Variants in RNF10 observed in about 807,000 individuals in gnomAD.
RNF10 encodes the protein ring finger protein 10, also known as E3 ubiquitin-protein ligase RNF10.
RNF10 carries 38 observed loss-of-function variants against 91.4 expected under a neutral mutation model. That is an observed-to-expected ratio of 0.42 (90% confidence interval 0.32 to 0.54). The LOEUF is 0.54. RNF10 is among the 20% of genes least tolerant of loss of function. The pLI is 0.16. For missense variants in RNF10, 945 were observed against 1,012.0 expected, an observed-to-expected ratio of 0.93 and a Z score of 0.90; for synonymous variants, 364 against 366.3, an observed-to-expected ratio of 0.99 and a Z score of 0.07.
chr12:120,565,825 C>A (rs1156966836), intron 12 of RNF10, among the ~76,000 whole-genome samples: 1 of 152,206 alleles, frequency 6.6e-6, no homozygotes, highest in East Asian at 1.9e-4. Context: ...GGCCATCGTT[C>A]CCCATGCTCT....
At chr12:120,574,666 C>T in intron 14 of RNF10, 2 of 382,142 alleles carry the variant, frequency 5.2e-6, no homozygotes, top group Non-Finnish European at 1.0e-5. Context: ...TGTCTCATGC[C>T]TGTAATCCCA....
At position 120,560,900 on chromosome 12, in the gene RNF10, T is replaced by C. The variant is rs756153614; in HGVS notation, c.1128+14T>C. On this transcript the variant is annotated intron_variant, in intron 7 of 16. Coordinates refer to ENST00000325954, the MANE Select transcript of RNF10 (RefSeq NM_014868.5). Reference sequence around the variant, plus strand: ...CAGGAGCTCAAGGTGAGAGGATGCATTGGAGATGCTAAACCTTTTCACTTT... The same window carrying C: ...CAGGAGCTCAAGGTGAGAGGATGCACTGGAGATGCTAAACCTTTTCACTTT... 4 of 1,612,798 alleles carry C rather than the reference T, an allele frequency of 2.5e-6. No individual in the cohort carries two copies. In the Admixed American group the frequency reaches 6.7e-5, roughly 27 times the overall value.
intron 12 of RNF10, among the ~76,000 whole-genome samples, chr12:120,566,303 G>T (rs1388355986): frequency 6.6e-6 from 1 of 152,146 alleles, no homozygotes; most frequent in Non-Finnish European, 1.5e-5. Context: ...TAATTAACCT[G>T]CATGTTTGTT....
rs1399431904 is a variant in RNF10 at position 120,554,749 on chromosome 12, T to C, written c.586T>C (p.Tyr196His). Reference protein sequence around the residue: ...CQFVVSEDQDYTAHFADPDTL... With the variant: ...CQFVVSEDQDHTAHFADPDTL... ...ATTTGTGGTGTCTGAAGACCAAGAC[T>C]ACACAGCTCATTTTGCTGATCCTGA... is the stretch of plus-strand genomic sequence containing the variant. The change falls in exon 4 of 17, where the codon TAC becomes CAC. Residue 196 changes from tyrosine to histidine, a missense_variant. Physicochemically the swap from Tyr to His is moderately conservative, Grantham distance 83 (BLOSUM62 2). Coordinates refer to ENST00000325954, the MANE Select transcript of RNF10 (RefSeq NM_014868.5). The C allele has an allele frequency of 1.9e-6, 3 of 1,614,192 alleles. No homozygotes were observed. Among genetic ancestry groups the C allele is most frequent in the Admixed American group, 3.3e-5 (2 of 60,024 alleles).
intron 13 of RNF10, among the ~76,000 whole-genome samples, chr12:120,569,984 G>A (rs1018739799): frequency 6.6e-6 from 1 of 151,896 alleles, no homozygotes. Context: ...CTTCCCCCTC[G>A]CGGGTTCAAG....
rs1028800937 is a variant in RNF10 at position 120,566,930 on chromosome 12, A to G, written c.1991A>G (p.His664Arg). The G allele has an allele frequency of 4.3e-6, 7 of 1,612,900 alleles. No individual in the cohort carries two copies. The highest frequency in any genetic ancestry group is 2.2e-5 in the East Asian group (1 of 44,882). ...TTGGGTCCCACCAGCACCGAGGGCC[A>G]TGGGGCCCTCTCCATTTCTCCTCTC... is the stretch of plus-strand genomic sequence containing the variant. ...SALGPTSTEG[H>R]GALSISPLSR... Residue 664 changes from histidine to arginine, a missense_variant, in exon 13 of 17, where the codon CAT becomes CGT. By Grantham distance (29) the His-to-Arg change is conservative. Transcript: ENST00000325954.
At position 120,576,754 on chromosome 12, in the gene RNF10, AG is replaced by A; in HGVS notation, c.*89del. The stretch of plus-strand genomic sequence containing the variant: ...TTTTGTTTGGCTGCTGTAATTTTTA[AG>A]TATTTGAGTTTGAACAGATTAGCTC... On this transcript the variant is annotated 3_prime_UTR_variant, in exon 17 of 17. Transcript: ENST00000325954. The A allele has an allele frequency of 5.1e-6, 8 of 1,563,936 alleles. No homozygotes were observed. Among genetic ancestry groups the A allele is most frequent in the Non-Finnish European group, 6.9e-6 (8 of 1,155,450 alleles).
intron 1 of RNF10, among the ~76,000 whole-genome samples, chr12:120,539,104 T>C (rs1871212968): frequency 6.6e-6 from 1 of 152,296 alleles, no homozygotes; most frequent in South Asian, 2.1e-4. Context: ...TAAAACTGTG[T>C]GTCAGCCACT....
At chr12:120,551,700 C>T (rs1468066025) in intron 2 of RNF10, among the ~76,000 whole-genome samples, 1 of 152,086 alleles carries the variant, frequency 6.6e-6, no homozygotes, top group African/African-American at 2.4e-5. Context: ...GCAGGTGTAT[C>T]ATAGTGCACT....
intron 4 of RNF10, among the ~76,000 whole-genome samples, chr12:120,556,081 G>T (rs892924647): frequency 6.6e-6 from 1 of 151,264 alleles, no homozygotes; most frequent in South Asian, 2.1e-4. Context: ...GAGCCACCAC[G>T]CCCAGCTTCA....
At chr12:120,556,276 T>C (rs1265412348) in intron 4 of RNF10, among the ~76,000 whole-genome samples, 1 of 151,332 alleles carries the variant, frequency 6.6e-6, no homozygotes, top group Non-Finnish European at 1.5e-5. Context: ...GGCTCACGCC[T>C]ATAATCCCAG....
At chr12:120,558,454 T>TA (rs147730561) in intron 6 of RNF10, among the ~76,000 whole-genome samples, 12 of 150,618 alleles carry the variant, frequency 8.0e-5, no homozygotes, top group South Asian at 2.1e-4. Flanking sequence ...GTGTATTAAT[T>TA]AAAAAAAAAT....
intron 1 of RNF10, among the ~76,000 whole-genome samples, chr12:120,542,460 C>T (rs1871712425): frequency 6.6e-6 from 1 of 152,174 alleles, no homozygotes; most frequent in African/African-American, 2.4e-5. Context: ...AGCGCTGAAA[C>T]TTTGCTTTCT....
At position 120,576,942 on chromosome 12, in the gene RNF10, G is replaced by A. The variant is rs1382714081; in HGVS notation, c.*276G>A. ...TGCCAGTTTAGTCTTTTTGACCCAT[G>A]TGTAATTAATTTTTCTCAACCCAAA... On this transcript the variant is annotated 3_prime_UTR_variant, in exon 17 of 17. Coordinates refer to ENST00000325954, the MANE Select transcript of RNF10 (RefSeq NM_014868.5). The A allele has an allele frequency of 1.3e-5, 5 of 399,926 alleles. No homozygotes were observed. The highest frequency in any genetic ancestry group is 8.3e-5 in the African/African-American group (4 of 48,024). 24.8% of individuals were successfully genotyped at this position (399,926 alleles called of 1,614,324 possible). A position where few individuals can be genotyped will look rare whatever the true frequency, so the allele number is the denominator to read the frequency against.
At chr12:120,536,288 G>A (rs1870782826) in intron 1 of RNF10, among the ~76,000 whole-genome samples, 1 of 152,002 alleles carries the variant, frequency 6.6e-6, no homozygotes, top group Non-Finnish European at 1.5e-5. Flanking sequence ...GCCGAGTGTG[G>A]TGGCACACAC....
At position 120,534,551 on chromosome 12, in the gene RNF10, G is replaced by A; in HGVS notation, c.-261G>A. ...CTCCCTCGCCTCCCCTTCCCCCGCA[G>A]CCTCCGCCCCGCCAGGCCCGGCCCG... On this transcript the variant is annotated 5_prime_UTR_variant, in exon 1 of 17. Transcript: ENST00000325954. The A allele has an allele frequency of 1.6e-6, 1 of 629,256 alleles. No individual in the cohort carries two copies. The highest frequency in any genetic ancestry group is 4.5e-5 in the South Asian group (1 of 22,334). 39.0% of individuals were successfully genotyped at this position (629,256 alleles called of 1,614,324 possible).
rs1397384422 is a variant in RNF10 at position 120,563,475 on chromosome 12, G to A, written c.1383G>A (p.Glu461=). The change falls in exon 9 of 17, where the codon GAG becomes GAA. Residue 461 remains glutamate, a synonymous_variant. Transcript: ENST00000325954. The part of the protein sequence containing the change: ...EEEAVSEPEP[E]GLPEACDDLE... ...AAGCAGTGTCTGAACCAGAGCCTGA[G>A]GGGTTGCCAGAGGCCTGTGATGACT... 6.2e-7 allele frequency: 1 copy of A among 1,614,156 alleles called. No individual in the cohort carries two copies. Among genetic ancestry groups the A allele is most frequent in the Admixed American group, 1.7e-5 (1 of 60,016 alleles).
intron 13 of RNF10, 111 bp from the exon 14 acceptor site, chr12:120,571,078 TTG>T: frequency 1.5e-6 from 1 of 671,718 alleles, no homozygotes; most frequent in East Asian, 2.6e-5. Flanking sequence ...TTTTTTTTTT[TTG>T]AGGGGATGAT....
intron 14 of RNF10, among the ~76,000 whole-genome samples, chr12:120,572,652 A>G (rs544873646): frequency 1.3e-5 from 2 of 151,536 alleles, no homozygotes; most frequent in East Asian, 3.9e-4. Flanking sequence ...CTGGAGTGCA[A>G]TGGCGTGATC....
Sources: allele counts gnomAD v4.1 joint callset (sites outside exome capture counted in the v4.1 genomes callset), GRCh38; gene constraint gnomAD v4.1.1; transcripts MANE v1.5; gene names NCBI Gene and HGNC (gene_info 2026-07-23, HGNC 2026-07-21).